NAT10: variants seen among roughly 807,000 people sequenced by gnomAD.
NAT10 encodes RNA cytidine acetyltransferase.
Under a neutral mutation model 132.2 loss-of-function variants are expected in NAT10, and 109 were observed. The ratio of observed to expected loss-of-function variants is 0.82; its 90% CI spans 0.71 to 0.97. NAT10 has a LOEUF of 0.97. NAT10 is among the 50% of genes least tolerant of loss of function. The probability of loss-of-function intolerance (pLI) is 0.00; values close to 1 mark genes in which losing one functional copy is unlikely to be tolerated. For synonymous variants in NAT10, 479 were observed against 478.0 expected (o/e 1.00, Z -0.03); for missense variants, 1,184 against 1,263.4 (o/e 0.94, Z 0.95).
chr11:34,132,534 G>A (rs1032554307), intron 15 of NAT10, among the ~76,000 whole-genome samples: 1 of 152,190 alleles, frequency 6.6e-6, no homozygotes, highest in African/African-American at 2.4e-5. Flanking sequence ...CAGCTTTATA[G>A]CTCTGGGCTA....
chr11:34,109,652 TACTTTCAACACAAATACA>T (rs1851659004), intron 3 of NAT10, among the ~76,000 whole-genome samples: 1 of 152,204 alleles, frequency 6.6e-6, no homozygotes. Flanking sequence ...ATAGATAACA[TACTTTCAACACAAATACA>T]ATTTGGCACA....
Position 34,146,083 on chromosome 11 carries a change from G to A in NAT10, c.2970-1G>A, listed in dbSNP as rs1304565105. 2 of 1,593,054 alleles carry A rather than the reference G, an allele frequency of 1.3e-6. No homozygotes were observed. Among genetic ancestry groups the A allele is most frequent in the African/African-American group, 2.7e-5 (2 of 73,810 alleles). On this transcript the variant is annotated splice_acceptor_variant, in intron 28 of 28. Transcript: ENST00000257829. LOFTEE classifies it high-confidence loss of function. ...TCTTTCTATTTTTGATTTTTCTCTA[G>A]TGACAAGAAAAGGAAGTTAGAGGCC...
chr11:34,132,222 G>A lies in NAT10; in HGVS notation c.1617+1G>A, dbSNP rs200626470. ...CCTCTACGTGGCTTCTCACTACAAG[G>A]TAACTGCAGCTAGCCCTTGTGTGAA... On this transcript the variant is annotated splice_donor_variant, in intron 15 of 28. Transcript: ENST00000257829. LOFTEE classifies it high-confidence loss of function. 2 of 1,611,078 alleles carry A rather than the reference G, an allele frequency of 1.2e-6. No homozygotes were observed. Among genetic ancestry groups the A allele is most frequent in the African/African-American group, 2.7e-5 (2 of 74,838 alleles).
intron 27 of NAT10, among the ~76,000 whole-genome samples, chr11:34,142,680 C>T (rs986870043): frequency 6.6e-5 from 10 of 152,288 alleles, no homozygotes; most frequent in Middle Eastern, 3.4e-3. Flanking sequence ...TTGGCTTTTA[C>T]GTGTGACTTT....
chr11:34,135,303 T>C lies in NAT10; in HGVS notation c.2028+12T>C. On this transcript the variant is annotated intron_variant, in intron 19 of 28. Transcript: ENST00000257829. ...CCGTAAGCAGCGAGGTAAGCATCTT[T>C]CGACAGACCTCCTGTGTCCTGGTTC... is the stretch of plus-strand genomic sequence containing the variant. 2 of 1,603,608 alleles carry C rather than the reference T, an allele frequency of 1.2e-6. No homozygotes were observed. Among genetic ancestry groups the C allele is most frequent in the Non-Finnish European group, 1.7e-6 (2 of 1,170,496 alleles).
rs1353317523 is a variant in NAT10 at position 34,135,375 on chromosome 11, G to A, written c.2028+84G>A. ...TTTTTAGGGGCATCAACAAAAACCA[G>A]TCCAGAGCTTTGGACCCCTCTCTCA... On this transcript the variant is annotated intron_variant, in intron 19 of 28. Transcript: ENST00000257829. 4 of 1,118,544 alleles carry A rather than the reference G, an allele frequency of 3.6e-6. No homozygotes were observed. In the East Asian group the frequency reaches 7.1e-5, roughly 20 times the overall value. 69.3% of individuals were successfully genotyped at this position (1,118,544 alleles called of 1,614,324 possible).
At chr11:34,115,501 G>A (rs535345115) in intron 5 of NAT10, among the ~76,000 whole-genome samples, 3 of 152,298 alleles carry the variant, frequency 2.0e-5, no homozygotes, top group African/African-American at 7.2e-5. Flanking sequence ...TACTCCAAGT[G>A]CCATGAGAAC....
intron 2 of NAT10, 64 bp downstream of exon 2, chr11:34,108,397 G>T: frequency 7.6e-7 from 1 of 1,318,066 alleles, no homozygotes. Context: ...GCATGTTTAA[G>T]CACTCTGCTG....
At chr11:34,121,238 A>T (rs553237328) in intron 8 of NAT10, among the ~76,000 whole-genome samples, 1 of 152,132 alleles carries the variant, frequency 6.6e-6, no homozygotes, top group South Asian at 2.1e-4. Context: ...AGACTGGTGG[A>T]GTGAGGGTGG....
At chr11:34,132,313 T>C in intron 15 of NAT10, 92 bp downstream of exon 15, 1 of 1,025,886 alleles carries the variant, frequency 9.7e-7, no homozygotes, top group Non-Finnish European at 1.5e-6. Flanking sequence ...TATTACCCAA[T>C]GGCTTAGGTG....
rs1852303010 is a variant in NAT10 at position 34,140,460 on chromosome 11, T to A, written c.2480T>A (p.Met827Lys). 1 of 1,613,942 alleles carries A rather than the reference T, an allele frequency of 6.2e-7. No homozygotes were observed. Among genetic ancestry groups the A allele is most frequent in the Non-Finnish European group, 8.5e-7 (1 of 1,180,006 alleles). ...FLPYDLKRLE[M>K]YSRNMVDYHL... ...CCCTATGACCTGAAGCGGCTGGAGATGTATTCACGGAATATGGTGGACTAT... is the reference window on the plus strand; with the variant it reads ...CCCTATGACCTGAAGCGGCTGGAGAAGTATTCACGGAATATGGTGGACTAT... The change falls in exon 24 of 29, where the codon ATG becomes AAG. Residue 827 changes from methionine to lysine, a missense_variant. Transcript: ENST00000257829.
intron 8 of NAT10, among the ~76,000 whole-genome samples, chr11:34,121,875 A>AAC (rs1851900381): frequency 7.0e-6 from 1 of 143,804 alleles, no homozygotes; most frequent in African/African-American, 2.6e-5. Context: ...AAAAAAAAAA[A>AAC]AAAAAAAGGT....
chr11:34,109,184 T>C (rs1258472771), intron 3 of NAT10, among the ~76,000 whole-genome samples: 1 of 151,978 alleles, frequency 6.6e-6, no homozygotes, highest in Non-Finnish European at 1.5e-5. Context: ...ATGGAGGGGG[T>C]ATATGCCTCA....
chr11:34,131,207 C>G (rs1414365877), intron 13 of NAT10, among the ~76,000 whole-genome samples, 174 bp from the exon 14 acceptor site: 1 of 152,144 alleles, frequency 6.6e-6, no homozygotes, highest in Non-Finnish European at 1.5e-5. Context: ...GGGTTGGTAT[C>G]GTGGCAAGTT....
rs1212115045 is a variant in NAT10, at chr11:34,136,695, ACTC to A, written c.2086_2088del (p.Leu696del). The A allele has an allele frequency of 6.2e-7, 1 of 1,613,702 alleles. No homozygotes were observed. ...CTCCCCGGAAGGACCTGCCTCCTTT[ACTC>A]CTCAAATTGAATGAGAGGCCTGCCG... On this transcript the variant is annotated inframe_deletion, in exon 20 of 29. Coordinates refer to ENST00000257829, the MANE Select transcript of NAT10 (RefSeq NM_024662.3).
At position 34,118,287 on chromosome 11, in the gene NAT10, A is replaced by G; in HGVS notation, c.665A>G (p.Gln222Arg). Residue 222 changes from glutamine to arginine, a missense_variant, in exon 7 of 29, where the codon CAG (glutamine) becomes CGG (arginine). Transcript: ENST00000257829. ...GCCACCATGGAGGCCCTGCCTCCCC[A>G]GACTCCGGTGAGTCTGTGCTGGGGT... is the stretch of plus-strand genomic sequence containing the variant. ...HVATMEALPPQTPDESLGPSD... is the reference protein window; with the variant it reads ...HVATMEALPPRTPDESLGPSD... 6.2e-7 allele frequency: 1 copy of G among 1,613,630 alleles called. No homozygotes were observed. Among genetic ancestry groups the G allele is most frequent in the Non-Finnish European group, 8.5e-7 (1 of 1,179,546 alleles).
intron 2 of NAT10, 106 bp from the exon 3 acceptor site, chr11:34,108,636 C>G: frequency 9.3e-7 from 1 of 1,073,824 alleles, no homozygotes; most frequent in Non-Finnish European, 1.4e-6. Context: ...CACTTCCCTT[C>G]CCTGGCCCTC....
At chr11:34,132,286 A>G in intron 15 of NAT10, 65 bp downstream of exon 15, 1 of 1,297,970 alleles carries the variant, frequency 7.7e-7, no homozygotes, top group Non-Finnish European at 1.1e-6. Flanking sequence ...GTCCCCTTTT[A>G]CTTGATTTGC....
intron 2 of NAT10, 32 bp from the exon 3 acceptor site, chr11:34,108,710 G>T (rs548089620): frequency 2.5e-5 from 39 of 1,587,996 alleles, no homozygotes; most frequent in Non-Finnish European, 2.8e-5. Context: ...TCTCTTTTGT[G>T]CCTGAAATTC....
Sources: gnomAD v4.1 joint callset for allele counts (sites outside exome capture counted in the v4.1 genomes callset) on GRCh38, gnomAD v4.1.1 for gene constraint, MANE v1.5 for transcripts, NCBI Gene and HGNC (gene_info 2026-07-23, HGNC 2026-07-21) for gene names.